Variants in ARHGEF18 observed in about 807,000 individuals in gnomAD.
ARHGEF18 encodes Rho/Rac guanine nucleotide exchange factor 18.
Under a neutral mutation model 155.7 loss-of-function variants are expected in ARHGEF18, and 93 were observed. The ratio of observed to expected loss-of-function variants is 0.60; its 90% CI spans 0.50 to 0.71. The LOEUF is 0.71. Ranked by LOEUF, ARHGEF18 falls within the 30% of genes least tolerant of loss-of-function variation. The pLI is 0.00. For synonymous variants in ARHGEF18, 742 were observed against 753.1 expected, an observed-to-expected ratio of 0.99 and a Z score of 0.24; for missense variants, 1,593 against 1,816.1, an observed-to-expected ratio of 0.88 and a Z score of 2.23.
intron 2 of ARHGEF18, among the ~76,000 whole-genome samples, chr19:7,372,322 G>C (rs1159529229): frequency 1.3e-5 from 2 of 152,144 alleles, no homozygotes; most frequent in African/African-American, 4.8e-5. Context: ...CTCAGGATGG[G>C]CCGGGTGGGA....
At chr19:7,393,858 G>A (rs1242584276) in intron 10 of ARHGEF18, among the ~76,000 whole-genome samples, 2 of 149,174 alleles carry the variant, frequency 1.3e-5, no homozygotes, top group Admixed American at 6.8e-5. Context: ...GACATATTTG[G>A]GGGTTACCTG....
Position 7,470,957 on chromosome 19 carries a change from G to A in ARHGEF18, c.*659G>A, listed in dbSNP as rs117848732. On this transcript the variant is annotated 3_prime_UTR_variant, in exon 29 of 29. Coordinates refer to ENST00000668164, the MANE Select transcript of ARHGEF18 (RefSeq NM_001367823.1). This position sits in a 1 kb window ranked among gnomAD's most constrained non-coding sequence, Gnocchi z 5.9. ...GGAACATCAGTGGCCCTCCAGTCAG[G>A]TTCTGTGGGTTTGGAAGCCCATCGT... 5.5e-3 allele frequency: 2,218 copies of A among 400,310 alleles called. 13 individuals are homozygous for A. The highest frequency in any genetic ancestry group is 7.4e-3 in the Non-Finnish European group (1,672 of 225,810). The allele number at this position is 400,310 out of a possible 1,614,324, so 24.8% of individuals were successfully genotyped here. A position where few individuals can be genotyped will look rare whatever the true frequency, so the allele number is the denominator to read the frequency against.
In ARHGEF18 at chr19:7,393,469, A is replaced by G. The variant is rs1051879328; in HGVS notation, c.967+10266A>G. 1.8e-4 allele frequency among the ~76,000 whole-genome samples: 28 copies of G among 152,242 alleles called. No individual in the cohort carries two copies. In the East Asian group the frequency reaches 4.6e-3, roughly 25 times the overall value. On this transcript the variant is annotated intron_variant, in intron 10 of 28. Coordinates refer to ENST00000668164, the MANE Select transcript of ARHGEF18 (RefSeq NM_001367823.1). ...AGTGATCCTCCCTCCTCAGACTCCC[A>G]AAGTGTTAGGATTACAGGCATGAGC...
At chr19:7,432,620 C>T (rs1156464688) in intron 10 of ARHGEF18, among the ~76,000 whole-genome samples, 2 of 152,202 alleles carry the variant, frequency 1.3e-5, no homozygotes, top group Non-Finnish European at 2.9e-5. Context: ...AGATTACAGA[C>T]TTGAGCCACC....
At chr19:7,457,353 CTTTTTTTTTTTTT>C (rs1159186670) in intron 18 of ARHGEF18, among the ~76,000 whole-genome samples, 4 of 60,236 alleles carry the variant, frequency 6.6e-5, no homozygotes, top group East Asian at 6.1e-4. Flanking sequence ...AATCACCTCT[CTTTTTTTTTTTTT>C]TTTTTTTTTT....
intron 13 of ARHGEF18, among the ~76,000 whole-genome samples, chr19:7,443,245 C>T (rs1393184067): frequency 1.3e-5 from 2 of 151,946 alleles, no homozygotes; most frequent in Admixed American, 1.3e-4. Context: ...TTAGTAGAGG[C>T]GGTGTTTCAC....
At position 7,457,704 on chromosome 19, in the gene ARHGEF18, C is replaced by T. The variant is rs539798088; in HGVS notation, c.2182-808C>T. On this transcript the variant is annotated intron_variant, in intron 18 of 28. Transcript: ENST00000668164. ...AAGGCCCCATCTCCAAAGACAGCCA[C>T]ATTCTGAGGTGCTAGGGCTCAGGAC... Among the ~76,000 whole-genome samples the T allele has an allele frequency of 7.9e-5, 12 of 152,176 alleles. No individual in the cohort carries two copies. The East Asian group carries it at 2.3e-3, about 29-fold the overall frequency.
rs749000347 is a variant in ARHGEF18, at chr19:7,464,541, C to T, written c.2774-19C>T. 20 of 1,602,482 alleles carry T rather than the reference C, an allele frequency of 1.2e-5. No individual in the cohort carries two copies. In the South Asian group the frequency reaches 2.2e-4, roughly 18 times the overall value. On this transcript the variant is annotated intron_variant, in intron 22 of 28. Coordinates refer to ENST00000668164, the MANE Select transcript of ARHGEF18 (RefSeq NM_001367823.1). ...CACGGGATGGCAGCATCCTCATGCC[C>T]CTGGCTTGGGGTTCTCAGATGGCAG...
chr19:7,382,033 G>C (rs1387356752), intron 8 of ARHGEF18, among the ~76,000 whole-genome samples: 2 of 152,208 alleles, frequency 1.3e-5, no homozygotes, highest in Admixed American at 6.5e-5. Flanking sequence ...TTAAATGAAG[G>C]TGTGCCTGAA....
chr19:7,423,546 A>G (rs1031499281), intron 10 of ARHGEF18, among the ~76,000 whole-genome samples: 1 of 151,982 alleles, frequency 6.6e-6, no homozygotes, highest in Non-Finnish European at 1.5e-5. Flanking sequence ...CTACAAGTAG[A>G]AAAAATTAGC....
At chr19:7,407,804 T>A (rs1972407669) in intron 10 of ARHGEF18, among the ~76,000 whole-genome samples, 2 of 150,134 alleles carry the variant, frequency 1.3e-5, no homozygotes. Flanking sequence ...CTACTGAAAA[T>A]ACAAAAAAAC....
rs1317270704 is a variant in ARHGEF18, at chr19:7,380,992, G to A, written c.720G>A (p.Ser240=). The change falls in exon 8 of 29, where the codon TCG becomes TCA. Residue 240 remains serine, a splice_region_variant and synonymous_variant. Transcript: ENST00000668164. ...HSNLTWFEFL[S]ESEDGAGKNE... ...ACCTGACCTGGTTTGAATTCCTGTC[G>A]GAGTAAGTACACAGATCTGCTTCTG... The A allele has an allele frequency of 1.9e-5, 24 of 1,232,162 alleles. No individual in the cohort carries two copies. Among genetic ancestry groups the A allele is most frequent in the African/African-American group, 4.6e-5 (3 of 64,536 alleles). 76.3% of individuals were successfully genotyped at this position (1,232,162 alleles called of 1,614,324 possible). A position where few individuals can be genotyped will look rare whatever the true frequency, so the allele number is the denominator to read the frequency against.
intron 2 of ARHGEF18, among the ~76,000 whole-genome samples, chr19:7,368,748 TAGG>T (rs1350255765): frequency 6.6e-6 from 1 of 151,730 alleles, no homozygotes; most frequent in Non-Finnish European, 1.5e-5. Flanking sequence ...GAAAAGACAG[TAGG>T]AGGTTTTCCA....
At chr19:7,393,074 G>GA (rs902345454) in intron 10 of ARHGEF18, among the ~76,000 whole-genome samples, 3 of 139,692 alleles carry the variant, frequency 2.1e-5, no homozygotes, top group Non-Finnish European at 3.1e-5. Flanking sequence ...AAAAAAAAAG[G>GA]AAAAAAAATA....
At chr19:7,366,812 G>A (rs1314791260) in intron 2 of ARHGEF18, among the ~76,000 whole-genome samples, 6 of 152,008 alleles carry the variant, frequency 3.9e-5, no homozygotes, top group African/African-American at 1.5e-4. Flanking sequence ...ACCCAGGTTG[G>A]AGTGCAGTGG....
chr19:7,379,052 T>C, intron 6 of ARHGEF18, 70 bp from the exon 7 acceptor site: 1 of 1,215,736 alleles, frequency 8.2e-7, no homozygotes, highest in Non-Finnish European at 1.0e-6. Context: ...CAACCCCAGC[T>C]TATCTAGGGG....
chr19:7,399,394 G>A (rs1199720530), intron 10 of ARHGEF18, among the ~76,000 whole-genome samples: 1 of 152,094 alleles, frequency 6.6e-6, no homozygotes, highest in Non-Finnish European at 1.5e-5. Context: ...TTTTGTCAGA[G>A]ATAGATTCAT....
In ARHGEF18 at chr19:7,395,853, A is replaced by C. The variant is rs1278937025; in HGVS notation, c.967+12650A>C. Among the ~76,000 whole-genome samples the C allele has an allele frequency of 6.6e-6, 1 of 151,970 alleles. No homozygotes were observed. The highest frequency in any genetic ancestry group is 2.1e-4 in the South Asian group (1 of 4,816). ...TTTTGTTTTACGTTTTTAAATTTCA[A>C]CTTTTATTTGAGATTGAGGGGGTAC... On this transcript the variant is annotated intron_variant, in intron 10 of 28. Transcript: ENST00000668164. This position sits in a 1 kb window ranked among gnomAD's most constrained non-coding sequence, Gnocchi z 5.0.
chr19:7,365,925 T>A (rs1160593069), intron 2 of ARHGEF18, among the ~76,000 whole-genome samples: 1 of 152,134 alleles, frequency 6.6e-6, no homozygotes, highest in Non-Finnish European at 1.5e-5. Context: ...TCCAAGCCCA[T>A]CTCTGCTCTG....
Sources: allele counts gnomAD v4.1 joint callset (sites outside exome capture counted in the v4.1 genomes callset), GRCh38; gene constraint gnomAD v4.1.1; non-coding constraint Gnocchi (gnomAD v3.1); transcripts MANE v1.5; gene names NCBI Gene and HGNC (gene_info 2026-07-23, HGNC 2026-07-21).